PRLR: variants seen among roughly 807,000 people sequenced by gnomAD.
PRLR encodes the protein prolactin receptor.
In PRLR, 13 loss-of-function variants were observed where a neutral mutation model predicts 40.2. That is an observed-to-expected ratio of 0.32 (90% CI 0.21 to 0.51). PRLR has a LOEUF of 0.51. Ranked by LOEUF, PRLR falls within the 20% of genes least tolerant of loss-of-function variation. The pLI is 0.97. For missense variants in PRLR, 656 were observed against 747.3 expected, an observed-to-expected ratio of 0.88 and a Z score of 1.42; for synonymous variants, 269 against 278.7, an observed-to-expected ratio of 0.97 and a Z score of 0.35.
At chr5:35,088,230 C>T (rs139514601) in intron 3 of PRLR, among the ~76,000 whole-genome samples, 1,582 of 152,344 alleles carry the variant, frequency 0.01, 15 homozygotes, top group Non-Finnish European at 0.016. Context: ...TAAAACCCGT[C>T]CTTGCCAGCC....
At chr5:35,201,694 T>C (rs1429892522) in intron 1 of PRLR, among the ~76,000 whole-genome samples, 1 of 110,254 alleles carries the variant, frequency 9.1e-6, no homozygotes, top group Non-Finnish European at 2.2e-5. Context: ...CAGATACTTT[T>C]AGTTCTCTTC....
At chr5:35,179,420 G>A (rs1775231908) in intron 1 of PRLR, among the ~76,000 whole-genome samples, 1 of 152,090 alleles carries the variant, frequency 6.6e-6, no homozygotes, top group African/African-American at 2.4e-5. Flanking sequence ...CTAGCTACAG[G>A]CCACGCGAAT....
chr5:35,130,741 C>A (rs1326154595), intron 1 of PRLR, among the ~76,000 whole-genome samples: 6 of 152,148 alleles, frequency 3.9e-5, no homozygotes, highest in Non-Finnish European at 5.9e-5. Context: ...TAGAATGTGA[C>A]CTCATTTGGA....
Position 35,065,902 on chromosome 5 carries a change from C to G in PRLR, c.1056G>C (p.Gly352=), listed in dbSNP as rs775453931. The G allele has an allele frequency of 1.2e-5, 19 of 1,614,090 alleles. No individual in the cohort carries two copies. In the South Asian group the frequency reaches 1.4e-4, roughly 12 times the overall value. The change falls in exon 10 of 10, where the codon GGG becomes GGC. Residue 352 remains glycine, a synonymous_variant. Transcript: ENST00000618457. ...YLDPDTDSGR[G]SCDSPSLLSE... Reference sequence around the variant, plus strand: ...ACAAAAGGGAAGGGCTGTCACAGCTCCCCCGGCCTGAGTCAGTGTCAGGAT... The same window carrying G: ...ACAAAAGGGAAGGGCTGTCACAGCTGCCCCGGCCTGAGTCAGTGTCAGGAT...
chr5:35,124,859 A>C (rs1019118559), intron 1 of PRLR, among the ~76,000 whole-genome samples: 5 of 152,198 alleles, frequency 3.3e-5, no homozygotes, highest in African/African-American at 1.2e-4. Context: ...TTCATCTGCT[A>C]TCTTTATCAG....
chr5:35,140,804 T>A (rs1774000476), intron 1 of PRLR, among the ~76,000 whole-genome samples: 1 of 152,228 alleles, frequency 6.6e-6, no homozygotes, highest in Non-Finnish European at 1.5e-5. Context: ...GAATGTTACA[T>A]CTGAATAAAC....
chr5:35,186,790 T>G (rs1775446542), intron 1 of PRLR, among the ~76,000 whole-genome samples: 1 of 152,194 alleles, frequency 6.6e-6, no homozygotes, highest in Non-Finnish European at 1.5e-5. Flanking sequence ...CTTAAAAATC[T>G]ATTTGATTCA....
chr5:35,152,192 T>C (rs1228500416), intron 1 of PRLR, among the ~76,000 whole-genome samples: 5 of 152,236 alleles, frequency 3.3e-5, no homozygotes, highest in Middle Eastern at 3.2e-3. Flanking sequence ...CATTCACGTA[T>C]GTAAGCTTTT....
At chr5:35,053,427 C>T (rs149677436), downstream of PRLR, among the ~76,000 whole-genome samples, 403 of 152,216 alleles carry the variant, frequency 2.6e-3, no homozygotes, top group African/African-American at 8.9e-3. Flanking sequence ...CCGAGGCCGG[C>T]GGATCACCTG....
chr5:35,090,421 T>C (rs1007697282), intron 2 of PRLR, among the ~76,000 whole-genome samples: 1 of 152,150 alleles, frequency 6.6e-6, no homozygotes. Context: ...AGCCTCTAAA[T>C]GGCCTTGTAA....
chr5:35,124,209 C>A (rs1773382932), intron 1 of PRLR, among the ~76,000 whole-genome samples: 1 of 152,198 alleles, frequency 6.6e-6, no homozygotes, highest in South Asian at 2.1e-4. Flanking sequence ...TAGAGGAGTT[C>A]TTTACCGGAC....
chr5:35,101,910 C>A (rs1771906116), intron 2 of PRLR, among the ~76,000 whole-genome samples: 1 of 151,544 alleles, frequency 6.6e-6, no homozygotes, highest in African/African-American at 2.4e-5. Context: ...TTTCTGTAAC[C>A]TTTGCCTCCC....
At chr5:35,129,890 A>C (rs950721942) in intron 1 of PRLR, among the ~76,000 whole-genome samples, 1 of 152,110 alleles carries the variant, frequency 6.6e-6, no homozygotes, top group Non-Finnish European at 1.5e-5. Flanking sequence ...GAGAAAGAGA[A>C]GTGAGCTTGT....
At chr5:35,222,163 C>G (rs1037727746) in intron 1 of PRLR, among the ~76,000 whole-genome samples, 4 of 152,124 alleles carry the variant, frequency 2.6e-5, no homozygotes, top group Admixed American at 6.5e-5. Flanking sequence ...ATTAGCCGGG[C>G]TTGGTGGCGC....
downstream of PRLR, among the ~76,000 whole-genome samples, chr5:35,050,816 G>A (rs2112322033): frequency 6.6e-6 from 1 of 152,278 alleles, no homozygotes; most frequent in Non-Finnish European, 1.5e-5. Context: ...TTGTGAAATT[G>A]AAGGAAAGGA....
intron 1 of PRLR, among the ~76,000 whole-genome samples, chr5:35,146,495 A>G (rs1451103174): frequency 6.6e-6 from 1 of 152,198 alleles, no homozygotes; most frequent in East Asian, 1.9e-4. Context: ...TGTGTTCAGT[A>G]CATGGGTGGC....
In PRLR at chr5:35,105,716, C is replaced by T. The variant is rs186786166; in HGVS notation, c.-44+12345G>A. Among the ~76,000 whole-genome samples the T allele has an allele frequency of 3.1e-3, 466 of 152,204 alleles. 1 individual carries two copies. Among genetic ancestry groups the T allele is most frequent in the Middle Eastern group, 0.014 (4 of 294 alleles). The stretch of plus-strand genomic sequence containing the variant: ...AAAGAAACAAAGCCTCCAAGAAATA[C>T]GGGACTATGTGAAAAGACCAAATCT... On this transcript the variant is annotated intron_variant, in intron 2 of 9. Transcript: ENST00000618457.
At chr5:35,082,002 G>T in intron 5 of PRLR, 1 of 162,804 alleles carries the variant, frequency 6.1e-6, no homozygotes, top group South Asian at 1.6e-4. Context: ...CATGTAGTAA[G>T]ACCCCTGGAC....
chr5:35,137,302 T>C lies in PRLR; in HGVS notation c.-105-19180A>G, dbSNP rs537737269. ...AGGTCTGTTTAAATAAGTCTGAACT[T>C]TCTCCACTTTTTAAGACTTTTTTTT... On this transcript the variant is annotated intron_variant, in intron 1 of 9. Coordinates refer to ENST00000618457, the MANE Select transcript of PRLR (RefSeq NM_000949.7). Among the ~76,000 whole-genome samples the C allele has an allele frequency of 8.1e-4, 123 of 152,310 alleles. 1 individual carries two copies. Among genetic ancestry groups the C allele is most frequent in the African/African-American group, 2.9e-3 (120 of 41,572 alleles).
Sources: allele counts gnomAD v4.1 joint callset (sites outside exome capture counted in the v4.1 genomes callset), GRCh38; gene constraint gnomAD v4.1.1; transcripts MANE v1.5; gene names NCBI Gene and HGNC (gene_info 2026-07-23, HGNC 2026-07-21).